CHRM3: variants seen among roughly 807,000 people sequenced by gnomAD.
CHRM3 encodes the protein cholinergic receptor muscarinic 3, also known as muscarinic acetylcholine receptor M3.
Under a neutral mutation model 41.8 loss-of-function variants are expected in CHRM3, and 11 were observed. The observed-to-expected ratio is 0.26, with a 90% CI of 0.17 to 0.44. CHRM3 has a LOEUF of 0.44. CHRM3 is among the 20% of genes least tolerant of loss of function. The pLI is 1.00. For missense variants in CHRM3, 571 were observed against 745.4 expected (o/e 0.77, Z 2.72); for synonymous variants, 297 against 301.4 (o/e 0.99, Z 0.15).
At chr1:239,816,334 T>G (rs950612815) in intron 5 of CHRM3, among the ~76,000 whole-genome samples, 1 of 152,234 alleles carries the variant, frequency 6.6e-6, no homozygotes, top group African/African-American at 2.4e-5. Context: ...CCACCGGTGT[T>G]GCTCCTTTTT....
intron 1 of CHRM3, among the ~76,000 whole-genome samples, chr1:239,475,751 A>G (rs1666424719): frequency 1.3e-5 from 2 of 152,322 alleles, no homozygotes; most frequent in South Asian, 4.1e-4. Flanking sequence ...TCAATTTTTC[A>G]GTAAATCTAA....
chr1:239,430,032 A>G (rs1007279627), intron 1 of CHRM3, among the ~76,000 whole-genome samples: 12 of 150,512 alleles, frequency 8.0e-5, no homozygotes, highest in African/African-American at 2.9e-4. Flanking sequence ...CAGTGGCACA[A>G]TCTCAGCTCA....
chr1:239,914,528 A>C lies in CHRM3; in HGVS notation c.*5304A>C, dbSNP rs1205710402. ...AATAGATTTGAAGTTGTGAACAAAT[A>C]ATTTAGAGTCCAAAGAGGAAAAAGA... On this transcript the variant is annotated 3_prime_UTR_variant, in exon 7 of 7. Transcript: ENST00000676153. The C allele has an allele frequency of 6.0e-6, 1 of 167,116 alleles. No homozygotes were observed. Among genetic ancestry groups the C allele is most frequent in the Non-Finnish European group, 1.5e-5 (1 of 68,130 alleles). 10.4% of individuals were successfully genotyped at this position (167,116 alleles called of 1,614,324 possible). A position where few individuals can be genotyped will look rare whatever the true frequency, so the allele number is the denominator to read the frequency against.
chr1:239,607,741 C>T (rs905833940), intron 3 of CHRM3, among the ~76,000 whole-genome samples: 2 of 151,954 alleles, frequency 1.3e-5, no homozygotes, highest in African/African-American at 4.8e-5. Context: ...TTTGTTATTT[C>T]ACCTGAAAAA....
chr1:239,463,170 A>G (rs1232073560), intron 1 of CHRM3, among the ~76,000 whole-genome samples: 1 of 152,190 alleles, frequency 6.6e-6, no homozygotes, highest in African/African-American at 2.4e-5. Flanking sequence ...AGAGTTTGGC[A>G]TATTATAGAT....
chr1:239,900,832 T>C (rs1679488241), intron 6 of CHRM3, among the ~76,000 whole-genome samples: 1 of 152,168 alleles, frequency 6.6e-6, no homozygotes, highest in South Asian at 2.1e-4. Context: ...GTAAAGTGTG[T>C]ATAATATTTT....
At chr1:239,663,741 G>A (rs991269099) in intron 4 of CHRM3, among the ~76,000 whole-genome samples, 3 of 152,126 alleles carry the variant, frequency 2.0e-5, no homozygotes, top group Non-Finnish European at 2.9e-5. Context: ...TGTAGAATGC[G>A]CTTACCATTT....
chr1:239,729,027 AC>A (rs781231081), intron 5 of CHRM3, among the ~76,000 whole-genome samples: 3 of 151,886 alleles, frequency 2.0e-5, no homozygotes, highest in Non-Finnish European at 4.4e-5. Context: ...TTATTACAAT[AC>A]TAATACTCAT....
chr1:239,479,210 ACAC>A (rs1463488377), intron 1 of CHRM3, among the ~76,000 whole-genome samples: 17 of 151,784 alleles, frequency 1.1e-4, no homozygotes, highest in African/African-American at 4.1e-4. Context: ...ACACACACAC[ACAC>A]ACACACACAC....
chr1:239,824,985 GTTCATGCATTCA>G (rs1672338111), intron 5 of CHRM3, among the ~76,000 whole-genome samples: 1 of 152,166 alleles, frequency 6.6e-6, no homozygotes, highest in Non-Finnish European at 1.5e-5. Context: ...ATCCTTAGCA[GTTCATGCATTCA>G]TTCATGTATT....
At chr1:239,725,903 A>G (rs113247935) in intron 5 of CHRM3, among the ~76,000 whole-genome samples, 6 of 152,094 alleles carry the variant, frequency 3.9e-5, no homozygotes, top group African/African-American at 1.4e-4. Flanking sequence ...AAATTTATTA[A>G]GCAGTATTAT....
At chr1:239,803,409 CA>C (rs2148932777) in intron 5 of CHRM3, among the ~76,000 whole-genome samples, 1 of 152,240 alleles carries the variant, frequency 6.6e-6, no homozygotes, top group South Asian at 2.1e-4. Flanking sequence ...TTTAAAAATG[CA>C]GGGCAAGTAG....
intron 5 of CHRM3, among the ~76,000 whole-genome samples, chr1:239,734,568 CT>C (rs543532367): frequency 6.7e-4 from 102 of 152,126 alleles, no homozygotes; most frequent in African/African-American, 2.4e-3. Flanking sequence ...GTACTTCAGG[CT>C]GTACCAAGTA....
intron 2 of CHRM3, among the ~76,000 whole-genome samples, chr1:239,517,701 C>T (rs2148241678): frequency 6.6e-6 from 1 of 152,254 alleles, no homozygotes; most frequent in East Asian, 1.9e-4. Flanking sequence ...CACCCAGGCA[C>T]TACTTTTATC....
chr1:239,464,303 A>G (rs1455638508), intron 1 of CHRM3, among the ~76,000 whole-genome samples: 1 of 149,986 alleles, frequency 6.7e-6, no homozygotes, highest in Admixed American at 6.7e-5. Flanking sequence ...AAAAAAGTTC[A>G]GCTGTCACCT....
At chr1:239,515,037 T>A (rs1385062253) in intron 2 of CHRM3, among the ~76,000 whole-genome samples, 1 of 152,188 alleles carries the variant, frequency 6.6e-6, no homozygotes, top group Non-Finnish European at 1.5e-5. Flanking sequence ...ATATGTCGTA[T>A]ATTTTTGTAG....
chr1:239,902,369 T>C (rs1463349922), intron 6 of CHRM3, among the ~76,000 whole-genome samples: 1 of 152,172 alleles, frequency 6.6e-6, no homozygotes, highest in Non-Finnish European at 1.5e-5. Context: ...GGTAAGTTTA[T>C]ACATCTCCTG....
At chr1:239,715,336 T>A in intron 5 of CHRM3, among the ~76,000 whole-genome samples, 1 of 152,150 alleles carries the variant, frequency 6.6e-6, no homozygotes, top group East Asian at 1.9e-4. Context: ...TTTTTGTCAA[T>A]GATTTTATTT....
At chr1:239,454,962 T>G (rs765557636) in intron 1 of CHRM3, among the ~76,000 whole-genome samples, 1 of 152,204 alleles carries the variant, frequency 6.6e-6, no homozygotes, top group Non-Finnish European at 1.5e-5. Flanking sequence ...GAATTATGTA[T>G]AGTACATAAT....
Sources: gnomAD v4.1 joint callset for allele counts (sites outside exome capture counted in the v4.1 genomes callset) on GRCh38, gnomAD v4.1.1 for gene constraint, MANE v1.5 for transcripts, NCBI Gene and HGNC (gene_info 2026-07-23, HGNC 2026-07-21) for gene names.